The following ECHDC1 variants were observed in gnomAD, a reference collection of about 807,000 sequenced individuals.
ECHDC1 encodes the protein ethylmalonyl-CoA decarboxylase.
ECHDC1 carries 29 observed loss-of-function variants against 29.7 expected under a neutral mutation model. The ratio of observed to expected loss-of-function variants is 0.98; its 90% CI spans 0.73 to 1.33. The LOEUF (loss-of-function observed/expected upper bound fraction) is 1.33, where lower values mean the gene tolerates loss of function less well. ECHDC1 is among the 40% of genes most tolerant of loss of function. ECHDC1 has a pLI of 0.00. For synonymous variants in ECHDC1, 126 were observed against 123.1 expected, an observed-to-expected ratio of 1.02 and a Z score of -0.15; for missense variants, 328 against 350.0, an observed-to-expected ratio of 0.94 and a Z score of 0.50.
At chr6:127,339,585 C>G (rs1784736023) in intron 1 of ECHDC1, among the ~76,000 whole-genome samples, 1 of 151,804 alleles carries the variant, frequency 6.6e-6, no homozygotes, top group South Asian at 2.1e-4. Flanking sequence ...CCAGCCTGGC[C>G]AACATGGCGA....
chr6:127,340,544 T>G (rs1384133200), intron 1 of ECHDC1, among the ~76,000 whole-genome samples: 2 of 152,202 alleles, frequency 1.3e-5, no homozygotes, highest in Non-Finnish European at 2.9e-5. Flanking sequence ...CTAATAAACC[T>G]GGGAGGCCTA....
At chr6:127,326,752 T>A in intron 3 of ECHDC1, 1 of 432,212 alleles carries the variant, frequency 2.3e-6, no homozygotes, top group Non-Finnish European at 4.2e-6. Context: ...TCTGCTAAAC[T>A]AGAAATAACA....
intron 1 of ECHDC1, among the ~76,000 whole-genome samples, chr6:127,339,592 G>A (rs1784737434): frequency 1.3e-5 from 2 of 151,800 alleles, no homozygotes; most frequent in Non-Finnish European, 2.9e-5. Context: ...GGCCAACATG[G>A]CGAAACCCCA....
chr6:127,316,256 TA>T, intron 4 of ECHDC1, 193 bp downstream of exon 4: 1 of 525,432 alleles, frequency 1.9e-6, no homozygotes, highest in Non-Finnish European at 3.4e-6. Flanking sequence ...CTCTTATTTT[TA>T]AAATACATAT....
At position 127,315,838 on chromosome 6, in the gene ECHDC1, T is replaced by G. The variant is rs552366705; in HGVS notation, c.416+612A>C. On this transcript the variant is annotated intron_variant, in intron 4 of 5. Coordinates refer to ENST00000454859, the MANE Select transcript of ECHDC1 (RefSeq NM_001002030.2). ...TAATAACCTTGCTTAAATAAGAATTTCCTTACTTTTCATAATTTTAAATTT... is the reference window on the plus strand; with the variant it reads ...TAATAACCTTGCTTAAATAAGAATTGCCTTACTTTTCATAATTTTAAATTT... The G allele has an allele frequency of 8.2e-4, 343 of 419,050 alleles. 9 individuals carry two copies. The highest frequency in any genetic ancestry group is 6.1e-3 in the South Asian group (338 of 55,426). The allele number at this position is 419,050 out of a possible 1,614,324, so 26.0% of individuals were successfully genotyped here.
intron 5 of ECHDC1, among the ~76,000 whole-genome samples, chr6:127,293,058 G>A (rs2114549275): frequency 6.6e-6 from 1 of 152,200 alleles, no homozygotes; most frequent in East Asian, 1.9e-4. Context: ...ATGAAACAAT[G>A]TTATAAGAAA....
intron 5 of ECHDC1, among the ~76,000 whole-genome samples, chr6:127,294,936 A>G (rs183061685): frequency 4.7e-5 from 7 of 149,986 alleles, no homozygotes; most frequent in Admixed American, 4.7e-4. Flanking sequence ...GTAATATTGT[A>G]CTTTATGAAG....
rs992050614 is a variant in ECHDC1 at position 127,290,293 on chromosome 6, G to GA, written c.498-17dup. 9 of 1,597,978 alleles carry GA rather than the reference G, an allele frequency of 5.6e-6. No homozygotes were observed. Among genetic ancestry groups the GA allele is most frequent in the Non-Finnish European group, 7.7e-6 (9 of 1,174,024 alleles). ...AGTCATTAACCTGTAAAAGAAAAAA[G>GA]AAAAGCTTAATTGTAACTCTCTCTG... On this transcript the variant is annotated splice_polypyrimidine_tract_variant and intron_variant, in intron 5 of 5. Transcript: ENST00000454859.
At chr6:127,337,041 C>T (rs529381081) in intron 1 of ECHDC1, among the ~76,000 whole-genome samples, 1 of 152,248 alleles carries the variant, frequency 6.6e-6, no homozygotes, top group South Asian at 2.1e-4. Context: ...GCCCTACAAA[C>T]CATAAATTCT....
At chr6:127,301,865 A>G (rs187321219) in intron 5 of ECHDC1, among the ~76,000 whole-genome samples, 138 of 152,348 alleles carry the variant, frequency 9.1e-4, no homozygotes, top group African/African-American at 3.2e-3. Flanking sequence ...TAGAAAAATG[A>G]AACAAAAAAC....
chr6:127,315,899 A>C (rs1190264856), intron 4 of ECHDC1: 2 of 459,826 alleles, frequency 4.3e-6, no homozygotes, highest in African/African-American at 2.0e-5. Context: ...AAAGCTAATC[A>C]ACCAAAACAT....
At chr6:127,319,476 A>T (rs1782666738) in intron 3 of ECHDC1, among the ~76,000 whole-genome samples, 1 of 152,184 alleles carries the variant, frequency 6.6e-6, no homozygotes, top group Admixed American at 6.5e-5. Context: ...TTTTGGTTTT[A>T]AGTGTATCAT....
At chr6:127,290,403 T>C in intron 5 of ECHDC1, 126 bp from the exon 6 acceptor site, 1 of 984,472 alleles carries the variant, frequency 1.0e-6, no homozygotes, top group Non-Finnish European at 1.4e-6. Context: ...TTAAAAACAA[T>C]GTTTGAAAAA....
chr6:127,295,549 ATC>A lies in ECHDC1; in HGVS notation c.498-5274_498-5273del, dbSNP rs1277438265. 5.9e-5 allele frequency among the ~76,000 whole-genome samples: 9 copies of A among 152,334 alleles called. No individual in the cohort carries two copies. In the South Asian group the frequency reaches 1.9e-3, roughly 32 times the overall value. Reference sequence around the variant, plus strand: ...TATGAAAATTTATGCATCACCAAAAATCTCTAAAAAGGCAAATTTAATTTTTG... The same window carrying A: ...TATGAAAATTTATGCATCACCAAAAATCTAAAAAGGCAAATTTAATTTTTG... On this transcript the variant is annotated intron_variant, in intron 5 of 5. Transcript: ENST00000454859.
intron 5 of ECHDC1, among the ~76,000 whole-genome samples, chr6:127,297,219 A>G (rs2114563227): frequency 6.6e-6 from 1 of 152,338 alleles, no homozygotes; most frequent in South Asian, 2.1e-4. Context: ...ACTCATTAAT[A>G]TTTATTTAAC....
At chr6:127,294,315 T>C (rs967069816) in intron 5 of ECHDC1, among the ~76,000 whole-genome samples, 5 of 152,160 alleles carry the variant, frequency 3.3e-5, no homozygotes, top group African/African-American at 4.8e-5. Flanking sequence ...AAATATAGCA[T>C]AGAAAATTAT....
chr6:127,292,652 T>C lies in ECHDC1; in HGVS notation c.498-2375A>G, dbSNP rs192976074. Reference sequence around the variant, plus strand: ...TTTAACCTAAAAATGAAAGTTTAAATATAAAATTTAAAATGCTGAAAAACC... The same window carrying C: ...TTTAACCTAAAAATGAAAGTTTAAACATAAAATTTAAAATGCTGAAAAACC... On this transcript the variant is annotated intron_variant, in intron 5 of 5. Transcript: ENST00000454859. 2.0e-5 allele frequency among the ~76,000 whole-genome samples: 3 copies of C among 152,122 alleles called. No homozygotes were observed. The East Asian group carries it at 5.8e-4, about 29-fold the overall frequency.
At chr6:127,314,563 T>C (rs955983468) in intron 5 of ECHDC1, among the ~76,000 whole-genome samples, 5 of 152,106 alleles carry the variant, frequency 3.3e-5, no homozygotes, top group African/African-American at 1.2e-4. Flanking sequence ...GTTTTGCTAA[T>C]ATGGATTTGC....
At chr6:127,333,194 G>A (rs779614559) in intron 1 of ECHDC1, among the ~76,000 whole-genome samples, 3 of 152,172 alleles carry the variant, frequency 2.0e-5, no homozygotes, top group Non-Finnish European at 4.4e-5. Flanking sequence ...AGATCTTAAG[G>A]ATCACAAGGA....
Sources: gnomAD v4.1 joint callset for allele counts (sites outside exome capture counted in the v4.1 genomes callset) on GRCh38, gnomAD v4.1.1 for gene constraint, MANE v1.5 for transcripts, NCBI Gene and HGNC (gene_info 2026-07-23, HGNC 2026-07-21) for gene names.